The following NCALD variants were observed in gnomAD, a reference collection of about 807,000 sequenced individuals.
The protein encoded by NCALD is neurocalcin delta, also known as neurocalcin-delta.
In NCALD, 10 loss-of-function variants were observed where a neutral mutation model predicts 18.6. The ratio of observed to expected loss-of-function variants is 0.54; its 90% CI spans 0.33 to 0.91. The LOEUF is 0.91. Among genes scored for constraint, NCALD ranks in the 40% least tolerant of loss-of-function variants. NCALD has a pLI of 0.03. For synonymous variants in NCALD, 88 were observed against 87.4 expected, an observed-to-expected ratio of 1.01 and a Z score of -0.04; for missense variants, 184 against 247.6, an observed-to-expected ratio of 0.74 and a Z score of 1.72.
chr8:102,060,783 A>G (rs1823822456), intron 1 of NCALD, among the ~76,000 whole-genome samples: 1 of 152,178 alleles, frequency 6.6e-6, no homozygotes, highest in South Asian at 2.1e-4. Context: ...CCAAAAAAAA[A>G]AATTCACTTC....
intron 4 of NCALD, among the ~76,000 whole-genome samples, chr8:101,810,512 GTAAAT>G (rs1220891157): frequency 1.3e-5 from 2 of 152,078 alleles, no homozygotes; most frequent in African/African-American, 2.4e-5. Flanking sequence ...TCCTTAGTCA[GTAAAT>G]TAAAACAGTT....
intron 1 of NCALD, among the ~76,000 whole-genome samples, chr8:102,025,121 G>A (rs1418934160): frequency 6.6e-6 from 1 of 152,058 alleles, no homozygotes; most frequent in Non-Finnish European, 1.5e-5. Context: ...CTCTAGCTGT[G>A]CCAGCCCTCT....
chr8:101,882,944 G>A (rs1357046869), intron 4 of NCALD, among the ~76,000 whole-genome samples: 1 of 152,216 alleles, frequency 6.6e-6, no homozygotes, highest in Non-Finnish European at 1.5e-5. Context: ...AACAACTTTT[G>A]AGAATGTGAG....
At chr8:102,088,939 G>A (rs894706341) in intron 1 of NCALD, among the ~76,000 whole-genome samples, 5 of 152,124 alleles carry the variant, frequency 3.3e-5, no homozygotes, top group Non-Finnish European at 7.3e-5. Flanking sequence ...TTTGGGGATG[G>A]GCTGATTCCC....
intron 2 of NCALD, among the ~76,000 whole-genome samples, chr8:101,713,293 T>C (rs112270317): frequency 0.012 from 1,813 of 152,220 alleles, 38 homozygotes; most frequent in African/African-American, 0.039. Flanking sequence ...AGAGGGAAAT[T>C]TATAGCACTA....
intron 4 of NCALD, among the ~76,000 whole-genome samples, chr8:101,821,865 C>A (rs1337749161): frequency 7.3e-6 from 1 of 137,540 alleles, no homozygotes; most frequent in African/African-American, 2.8e-5. Context: ...TATCCAGGAA[C>A]CTCTTGGGTT....
chr8:101,977,730 G>C (rs1198589732), intron 2 of NCALD, among the ~76,000 whole-genome samples: 1 of 152,140 alleles, frequency 6.6e-6, no homozygotes, highest in Admixed American at 6.5e-5. Flanking sequence ...ACCAGACTCT[G>C]GCACCAGCAC....
chr8:101,812,262 A>G (rs944994326), intron 4 of NCALD, among the ~76,000 whole-genome samples: 1 of 151,760 alleles, frequency 6.6e-6, no homozygotes, highest in Non-Finnish European at 1.5e-5. Flanking sequence ...AAAGCAGTCT[A>G]TGAATCAAGC....
At chr8:101,907,075 C>T (rs1817634760) in intron 3 of NCALD, among the ~76,000 whole-genome samples, 1 of 152,178 alleles carries the variant, frequency 6.6e-6, no homozygotes, top group South Asian at 2.1e-4. Context: ...AAATGTTGAT[C>T]TTTGTCCATC....
chr8:102,017,732 T>G (rs1822138266), intron 2 of NCALD, among the ~76,000 whole-genome samples: 1 of 152,144 alleles, frequency 6.6e-6, no homozygotes, highest in South Asian at 2.1e-4. Context: ...ACTCTTCCAT[T>G]TTTAAAAATT....
At chr8:101,793,387 A>G (rs920672013), upstream of NCALD, among the ~76,000 whole-genome samples, 4 of 152,256 alleles carry the variant, frequency 2.6e-5, no homozygotes, top group Non-Finnish European at 4.4e-5. Context: ...CTGACCTTCA[A>G]AATGAAAAGT....
chr8:101,899,907 C>T (rs1817358247), intron 3 of NCALD, among the ~76,000 whole-genome samples: 1 of 151,760 alleles, frequency 6.6e-6, no homozygotes, highest in Non-Finnish European at 1.5e-5. Context: ...AATATTTCCT[C>T]ATCTTTTATT....
chr8:101,812,528 T>C (rs922460525), intron 4 of NCALD, among the ~76,000 whole-genome samples: 8 of 152,136 alleles, frequency 5.3e-5, no homozygotes, highest in Admixed American at 5.2e-4. Flanking sequence ...CAAGCAATTT[T>C]TCATAAGAAA....
At chr8:102,116,445 C>G (rs1825789958) in intron 1 of NCALD, among the ~76,000 whole-genome samples, 1 of 152,048 alleles carries the variant, frequency 6.6e-6, no homozygotes, top group South Asian at 2.1e-4. Flanking sequence ...AAAAGTATGT[C>G]CAAGTGTCCA....
chr8:101,837,372 C>CTT (rs1159595312), intron 4 of NCALD, among the ~76,000 whole-genome samples: 1 of 152,164 alleles, frequency 6.6e-6, no homozygotes, highest in African/African-American at 2.4e-5. Flanking sequence ...TGACATGTGA[C>CTT]AAAGACCACA....
intron 2 of NCALD, among the ~76,000 whole-genome samples, chr8:101,697,707 C>T (rs1815066320): frequency 6.6e-6 from 1 of 152,062 alleles, no homozygotes; most frequent in Non-Finnish European, 1.5e-5. Context: ...AACACATGAT[C>T]ATCTCAATAG....
intron 1 of NCALD, among the ~76,000 whole-genome samples, chr8:102,061,239 C>T (rs1205773589): frequency 6.6e-6 from 1 of 152,188 alleles, no homozygotes; most frequent in African/African-American, 2.4e-5. Context: ...ACTGCAGACA[C>T]CCACTTACGG....
At chr8:102,060,202 T>C (rs949489069) in intron 1 of NCALD, among the ~76,000 whole-genome samples, 4 of 145,324 alleles carry the variant, frequency 2.8e-5, no homozygotes, top group Non-Finnish European at 4.4e-5. Context: ...AGGATGGTCT[T>C]GATCTCCTGA....
At chr8:101,814,457 T>A (rs74920867) in intron 4 of NCALD, among the ~76,000 whole-genome samples, 6,799 of 152,056 alleles carry the variant, frequency 0.045, 504 homozygotes, top group African/African-American at 0.15. Context: ...TTAAAAACTC[T>A]CACTAAACTG....
Sources: allele counts gnomAD v4.1 joint callset (sites outside exome capture counted in the v4.1 genomes callset), GRCh38; gene constraint gnomAD v4.1.1; transcripts MANE v1.5; gene names NCBI Gene and HGNC (gene_info 2026-07-23, HGNC 2026-07-21).